TLE2: variants seen among roughly 807,000 people sequenced by gnomAD.
TLE2 encodes the protein TLE family member 2, transcriptional corepressor, also known as transducin-like enhancer protein 2.
Under a neutral mutation model 97.2 loss-of-function variants are expected in TLE2, and 74 were observed. The observed-to-expected ratio is 0.76, with a 90% CI of 0.63 to 0.92. The LOEUF (loss-of-function observed/expected upper bound fraction) is 0.92. Ranked by LOEUF, TLE2 falls within the 40% of genes least tolerant of loss-of-function variation. The pLI, the probability that TLE2 is intolerant of heterozygous loss-of-function variation, is 0.00. For synonymous variants in TLE2, 499 were observed against 432.1 expected, an observed-to-expected ratio of 1.15 and a Z score of -1.92; for missense variants, 1,038 against 1,008.7, an observed-to-expected ratio of 1.03 and a Z score of -0.39.
chr19:3,012,766 C>T (rs2089623533), intron 11 of TLE2, among the ~76,000 whole-genome samples: 1 of 152,068 alleles, frequency 6.6e-6, no homozygotes, highest in Non-Finnish European at 1.5e-5. Context: ...TCATCGCCTC[C>T]CCTGCCTCCC....
chr19:3,029,903 C>G (rs112089284), upstream of TLE2, among the ~76,000 whole-genome samples: 1 of 152,110 alleles, frequency 6.6e-6, no homozygotes, highest in Non-Finnish European at 1.5e-5. Context: ...CTCAAGCGAT[C>G]CTTCCCCCTC....
At chr19:3,029,454 G>A (rs966632936), upstream of TLE2, 6 of 969,796 alleles carry the variant, frequency 6.2e-6, no homozygotes, top group African/African-American at 3.5e-5. Flanking sequence ...GAGGCCGGGT[G>A]GGGAGGCGCC....
intron 4 of TLE2, chr19:3,025,294 G>A: frequency 2.5e-6 from 3 of 1,205,942 alleles, no homozygotes; most frequent in Non-Finnish European, 3.3e-6. Flanking sequence ...GGCCCAGGGT[G>A]GCCTGGAGCT....
Position 3,019,667 on chromosome 19 carries a change from C to T in TLE2, c.369+32G>A, listed in dbSNP as rs2089797054. On this transcript the variant is annotated intron_variant, in intron 6 of 19. Coordinates refer to ENST00000262953, the MANE Select transcript of TLE2 (RefSeq NM_003260.5). The surrounding 1 kb of genome is among the most constrained non-coding windows in gnomAD (Gnocchi z 5.1). ...CCAGGGACCTGGGAGTGGGCGTCTC[C>T]CCATGGCGGGGCAGGGGCTAGAGAG... 2 of 1,600,224 alleles carry T rather than the reference C, an allele frequency of 1.2e-6. No homozygotes were observed. Among genetic ancestry groups the T allele is most frequent in the African/African-American group, 1.3e-5 (1 of 74,652 alleles).
intron 5 of TLE2, among the ~76,000 whole-genome samples, chr19:3,021,409 A>T (rs1424548652): frequency 6.6e-6 from 1 of 152,034 alleles, no homozygotes; most frequent in Non-Finnish European, 1.5e-5. Context: ...GTCTCAAAAA[A>T]AAAAGAAAGA....
chr19:3,033,319 C>A (rs1212729527), upstream of TLE2, among the ~76,000 whole-genome samples: 1 of 152,120 alleles, frequency 6.6e-6, no homozygotes, highest in Non-Finnish European at 1.5e-5. Flanking sequence ...AGGCGCCCAC[C>A]ACCACGCCCA....
In TLE2 at chr19:3,017,861, T is replaced by C. The variant is rs1426719512; in HGVS notation, c.551-2A>G. 1 of 1,612,158 alleles carries C rather than the reference T, an allele frequency of 6.2e-7. No individual in the cohort carries two copies. Among genetic ancestry groups the C allele is most frequent in the Non-Finnish European group, 8.5e-7 (1 of 1,179,186 alleles). On this transcript the variant is annotated splice_acceptor_variant, in intron 7 of 19. Coordinates refer to ENST00000262953, the MANE Select transcript of TLE2 (RefSeq NM_003260.5). LOFTEE classifies it high-confidence loss of function. Reference sequence around the variant, plus strand: ...TTACCCTGCTCGGGGCTCTCTCCACTGACAGATTGGGAATGGGATAAAGAG... The same window carrying C: ...TTACCCTGCTCGGGGCTCTCTCCACCGACAGATTGGGAATGGGATAAAGAG...
At chr19:3,040,386 G>A (rs2090091544) in intron 1 of TLE2, among the ~76,000 whole-genome samples, 1 of 152,094 alleles carries the variant, frequency 6.6e-6, no homozygotes, top group Non-Finnish European at 1.5e-5. Context: ...TGTCGACCAG[G>A]CTGGAGTGCA....
upstream of TLE2, among the ~76,000 whole-genome samples, chr19:3,030,837 G>A (rs1014784505): frequency 1.3e-5 from 2 of 151,676 alleles, no homozygotes; most frequent in African/African-American, 4.9e-5. Context: ...CTGTGGTCCC[G>A]GCTACTTGGG....
chr19:3,030,950 CA>C (rs60265159), upstream of TLE2, among the ~76,000 whole-genome samples: 20,420 of 112,698 alleles, frequency 0.18, 1,814 homozygotes, highest in African/African-American at 0.32. Context: ...GACCTTGTCT[CA>C]AAAAAAAAAA....
rs368646025 is a variant in TLE2 at position 3,005,415 on chromosome 19, T to A, written c.1896+22A>T. On this transcript the variant is annotated intron_variant, in intron 17 of 19. Coordinates refer to ENST00000262953, the MANE Select transcript of TLE2 (RefSeq NM_003260.5). ...TGTATTCCTAGAGCTTCCATCCCCC[T>A]CCTGCCAGAACCGAACAGCACCTGG... 3.7e-6 allele frequency: 6 copies of A among 1,611,850 alleles called. No individual in the cohort carries two copies. In the African/African-American group the frequency reaches 8.0e-5, roughly 22 times the overall value.
At position 3,044,570 on chromosome 19, in the gene TLE2, C is replaced by T. The variant is rs60902733; in HGVS notation, c.63+1156G>A. ...GAGTTGCTGGGATTACAGGTGTGCG[C>T]CACCACGCCCGGCTAATTTTTGTCT... is the stretch of plus-strand genomic sequence containing the variant. On this transcript the variant is annotated intron_variant, in intron 1 of 18. Transcript: ENST00000426948. Among the ~76,000 whole-genome samples the T allele has an allele frequency of 4.4e-3, 676 of 152,312 alleles. 3 individuals are homozygous for T. Among genetic ancestry groups the T allele is most frequent in the African/African-American group, 0.015 (629 of 41,562 alleles).
intron 17 of TLE2, among the ~76,000 whole-genome samples, chr19:3,003,995 C>T (rs118133572): frequency 0.027 from 4,120 of 152,276 alleles, 80 homozygotes; most frequent in Non-Finnish European, 0.031. Context: ...GCGTGAGCCA[C>T]TGCACCCGGC....
chr19:3,047,275 G>A (rs930160813), upstream of TLE2, among the ~76,000 whole-genome samples: 3 of 144,666 alleles, frequency 2.1e-5, no homozygotes, highest in Admixed American at 2.1e-4. Flanking sequence ...AGCGCGGGGC[G>A]GCCGCGGCGG....
At chr19:3,003,228 G>A (rs2089404781) in intron 17 of TLE2, among the ~76,000 whole-genome samples, 1 of 152,208 alleles carries the variant, frequency 6.6e-6, no homozygotes, top group Non-Finnish European at 1.5e-5. Context: ...GGAGGAGGGA[G>A]AGAGGAGGGA....
chr19:3,046,642 T>G (rs946789932), upstream of TLE2, among the ~76,000 whole-genome samples: 3 of 143,360 alleles, frequency 2.1e-5, no homozygotes, highest in African/African-American at 7.7e-5. Context: ...CTCCCTCCAC[T>G]GAGAACCATT....
In TLE2 at chr19:3,019,423, G is replaced by T; in HGVS notation, c.410C>A (p.Pro137His). The T allele has an allele frequency of 6.5e-7, 1 of 1,536,292 alleles. No homozygotes were observed. The highest frequency in any genetic ancestry group is 8.7e-7 in the Non-Finnish European group (1 of 1,146,590). The change falls in exon 7 of 20, where the codon CCC becomes CAC. Residue 137 changes from proline to histidine, a missense_variant. By Grantham distance (77) the Pro-to-His change is moderately conservative. Transcript: ENST00000262953. This position sits in a 1 kb window ranked among gnomAD's most constrained non-coding sequence, Gnocchi z 5.1. ...QPLSHHAPPV[P>H]LTPRPAGLVG... ...CAGCCCGGCTGGGCGGGGGGTGAGG[G>T]GCACAGGGGGTGCGTGGTGGGACAG... is the stretch of plus-strand genomic sequence containing the variant.
intron 5 of TLE2, among the ~76,000 whole-genome samples, chr19:3,024,749 AG>A (rs1001815410): frequency 2.0e-5 from 3 of 152,198 alleles, no homozygotes; most frequent in African/African-American, 7.2e-5. Context: ...GCAGGGCTTG[AG>A]GGGGTCAGCT....
upstream of TLE2, among the ~76,000 whole-genome samples, chr19:3,046,604 T>A (rs1217669444): frequency 2.2e-5 from 3 of 133,454 alleles, no homozygotes; most frequent in African/African-American, 8.2e-5. Context: ...TCCGCTAGAG[T>A]CCTGCCACCG....
Sources: allele counts gnomAD v4.1 joint callset (sites outside exome capture counted in the v4.1 genomes callset), GRCh38; gene constraint gnomAD v4.1.1; non-coding constraint Gnocchi (gnomAD v3.1); transcripts MANE v1.5; gene names NCBI Gene and HGNC (gene_info 2026-07-23, HGNC 2026-07-21).